PDS5A: variants seen among roughly 807,000 people sequenced by gnomAD.
The protein encoded by PDS5A is sister chromatid cohesion protein PDS5 homolog A.
In PDS5A, 42 loss-of-function variants were observed where a neutral mutation model predicts 167.1. The observed-to-expected ratio is 0.25, with a 90% CI of 0.20 to 0.33. The LOEUF (loss-of-function observed/expected upper bound fraction) is 0.33. Among genes scored for constraint, PDS5A ranks in the 10% least tolerant of loss-of-function variants. PDS5A has a pLI of 1.00. For missense variants in PDS5A, 1,033 were observed against 1,605.9 expected, an observed-to-expected ratio of 0.64 and a Z score of 6.10; for synonymous variants, 553 against 554.6, an observed-to-expected ratio of 1.00 and a Z score of 0.04.
rs545012008 is a variant in PDS5A at position 39,976,613 on chromosome 4, G to T, written c.-36C>A. 19 of 1,553,634 alleles carry T rather than the reference G, an allele frequency of 1.2e-5. No individual in the cohort carries two copies. Among genetic ancestry groups the T allele is most frequent in the Non-Finnish European group, 1.7e-5 (19 of 1,140,254 alleles). ...AACTTTTGGTTCACAGTCCTCTACC[G>T]GCCTCTATCGGTCAGAAAACCAAAG... On this transcript the variant is annotated 5_prime_UTR_variant, in exon 2 of 33. Coordinates refer to ENST00000303538, the MANE Select transcript of PDS5A (RefSeq NM_001100399.2).
intron 26 of PDS5A, 134 bp downstream of exon 26, chr4:39,862,085 A>C (rs1578625122): frequency 2.6e-6 from 1 of 389,776 alleles, no homozygotes; most frequent in Non-Finnish European, 4.6e-6. Flanking sequence ...CTGGAAATTT[A>C]TAATAAATGA....
Position 39,842,050 on chromosome 4 carries a change from C to G in PDS5A, c.3555G>C (p.Gln1185His), listed in dbSNP as rs1234122833. 3 of 1,585,194 alleles carry G rather than the reference C, an allele frequency of 1.9e-6. No individual in the cohort carries two copies. Among genetic ancestry groups the G allele is most frequent in the Non-Finnish European group, 2.6e-6 (3 of 1,153,786 alleles). ...CTCCAGTTTCTGCTGCCTCTGAACT[C>G]TGTTCCCTGTTTAAAACAAATAAAC... The part of the protein sequence containing the change: ...NPSTGNRSRE[Q>H]SSEAAETGVS... The change falls in exon 31 of 33, where the codon CAG becomes CAC. Residue 1185 changes from glutamine to histidine, a missense_variant. Gln to His is a conservative substitution (Grantham distance 24). Transcript: ENST00000303538.
chr4:39,947,802 A>G (rs1215638560), intron 2 of PDS5A, among the ~76,000 whole-genome samples: 1 of 152,136 alleles, frequency 6.6e-6, no homozygotes. Context: ...ACTCACTCTC[A>G]CAAGATGGCA....
intron 31 of PDS5A, among the ~76,000 whole-genome samples, chr4:39,838,631 G>C (rs305130): frequency 0.27 from 40,993 of 152,062 alleles, 6,420 homozygotes; most frequent in Middle Eastern, 0.42. Context: ...GCTGAGGTGG[G>C]AGGATTGCTT....
intron 2 of PDS5A, among the ~76,000 whole-genome samples, chr4:39,961,140 TA>T (rs759480836): frequency 1.3e-5 from 2 of 152,110 alleles, no homozygotes; most frequent in Non-Finnish European, 2.9e-5. Flanking sequence ...CTTCAGCAAA[TA>T]AAAACTATCA....
In PDS5A at chr4:39,963,725, G is replaced by C. The variant is rs1302975178; in HGVS notation, c.138+12715C>G. Among the ~76,000 whole-genome samples the C allele has an allele frequency of 4.0e-5, 6 of 151,668 alleles. No homozygotes were observed. The East Asian group carries it at 1.2e-3, about 29-fold the overall frequency. ...TGCATGCTTGTGGTCTCAGCTACTGGGGAGCCTGAGGTAGGAGGATCACCT... is the reference window on the plus strand; with the variant it reads ...TGCATGCTTGTGGTCTCAGCTACTGCGGAGCCTGAGGTAGGAGGATCACCT... On this transcript the variant is annotated intron_variant, in intron 2 of 32. Coordinates refer to ENST00000303538, the MANE Select transcript of PDS5A (RefSeq NM_001100399.2).
chr4:39,850,157 G>A (rs1449242712), intron 26 of PDS5A, among the ~76,000 whole-genome samples: 5 of 151,376 alleles, frequency 3.3e-5, no homozygotes, highest in Middle Eastern at 3.2e-3. Flanking sequence ...CTGTAGTCCC[G>A]GCTACTCGGG....
At chr4:39,842,416 T>C (rs1317188968) in intron 30 of PDS5A, among the ~76,000 whole-genome samples, 4 of 152,172 alleles carry the variant, frequency 2.6e-5, no homozygotes, top group South Asian at 4.1e-4. Context: ...GACCATAGTA[T>C]AGTTGTCATT....
In PDS5A at chr4:39,926,692, CA is replaced by C. The variant is rs1380067462; in HGVS notation, c.429+82del. The C allele has an allele frequency of 1.6e-5, 15 of 934,412 alleles. No homozygotes were observed. The Admixed American group carries it at 2.8e-4, about 17-fold the overall frequency. The allele number at this position is 934,412 out of a possible 1,614,324, so 57.9% of individuals were successfully genotyped here. On this transcript the variant is annotated intron_variant, in intron 4 of 32. Coordinates refer to ENST00000303538, the MANE Select transcript of PDS5A (RefSeq NM_001100399.2). ...ATAGGCTTTGAATAAAATAAACACT[CA>C]TTTTACATTACAAAGTTAACATGAA... is the stretch of plus-strand genomic sequence containing the variant.
intron 2 of PDS5A, among the ~76,000 whole-genome samples, chr4:39,954,322 T>C (rs1435518077): frequency 6.6e-6 from 1 of 152,060 alleles, no homozygotes; most frequent in Non-Finnish European, 1.5e-5. Flanking sequence ...ACGGTGCCAC[T>C]GCACCTCAGC....
intron 16 of PDS5A, among the ~76,000 whole-genome samples, chr4:39,890,675 G>A (rs546078706): frequency 9.9e-5 from 15 of 152,192 alleles, no homozygotes; most frequent in African/African-American, 3.6e-4. Context: ...ACAGTGCAGT[G>A]GCACGATCTC....
rs1372975255 is a variant in PDS5A at position 39,824,862 on chromosome 4, T to C, written c.*623A>G. 2 of 152,660 alleles carry C rather than the reference T, an allele frequency of 1.3e-5. No homozygotes were observed. Among genetic ancestry groups the C allele is most frequent in the East Asian group, 3.8e-4 (2 of 5,202 alleles). The allele number at this position is 152,660 out of a possible 1,614,324, so 9.5% of individuals were successfully genotyped here. ...GATAAAAATCAGAAAGCAACATTTA[T>C]AAAATTGCTACCACATCACTTTTCA... On this transcript the variant is annotated 3_prime_UTR_variant, in exon 33 of 33. Transcript: ENST00000303538.
chr4:39,872,705 G>A (rs1482732170), intron 21 of PDS5A: 6 of 206,988 alleles, frequency 2.9e-5, no homozygotes, highest in Non-Finnish European at 5.7e-5. Flanking sequence ...ATGATAAACT[G>A]TCTTTTGAGG....
At chr4:39,894,032 A>G (rs1722189663) in intron 16 of PDS5A, among the ~76,000 whole-genome samples, 1 of 152,238 alleles carries the variant, frequency 6.6e-6, no homozygotes, top group Non-Finnish European at 1.5e-5. Context: ...TCTGCAGGAC[A>G]CAGTACTCTG....
chr4:39,972,581 G>A (rs916868564), intron 2 of PDS5A, among the ~76,000 whole-genome samples: 60 of 150,974 alleles, frequency 4.0e-4, no homozygotes, highest in African/African-American at 1.5e-3. Context: ...TGTTGCCCAG[G>A]TCTGAACCTC....
chr4:39,966,186 T>C (rs544472845), intron 2 of PDS5A, among the ~76,000 whole-genome samples: 1 of 152,346 alleles, frequency 6.6e-6, no homozygotes, highest in East Asian at 1.9e-4. Flanking sequence ...TTAAAACATA[T>C]GAACAGAACT....
chr4:39,962,742 TG>T (rs1729609018), intron 2 of PDS5A, among the ~76,000 whole-genome samples: 1 of 152,022 alleles, frequency 6.6e-6, no homozygotes, highest in African/African-American at 2.4e-5. Flanking sequence ...AGGCGGAGGT[TG>T]CAGTGAACAC....
intron 26 of PDS5A, among the ~76,000 whole-genome samples, chr4:39,855,481 GGAA>G (rs1232580294): frequency 1.3e-5 from 2 of 152,074 alleles, no homozygotes; most frequent in East Asian, 1.9e-4. Flanking sequence ...TAATTCACAG[GGAA>G]GAAGAAAGAA....
chr4:39,929,314 T>G (rs548947433), intron 2 of PDS5A, among the ~76,000 whole-genome samples: 1 of 151,718 alleles, frequency 6.6e-6, no homozygotes, highest in East Asian at 1.9e-4. Flanking sequence ...CTAATCAGCT[T>G]CCATCGAATA....
Sources: allele counts gnomAD v4.1 joint callset (sites outside exome capture counted in the v4.1 genomes callset), GRCh38; gene constraint gnomAD v4.1.1; transcripts MANE v1.5; gene names NCBI Gene and HGNC (gene_info 2026-07-23, HGNC 2026-07-21).